Variants in APTX observed in about 807,000 individuals in gnomAD.
The protein encoded by APTX is forkhead-associated domain histidine triad-like protein.
Under a neutral mutation model 42.3 loss-of-function variants are expected in APTX, and 33 were observed. The observed-to-expected ratio is 0.78, with a 90% CI of 0.59 to 1.04. The LOEUF (loss-of-function observed/expected upper bound fraction) is 1.04, where lower values mean the gene tolerates loss of function less well. APTX is among the 50% of genes least tolerant of loss of function. The pLI is 0.00. For synonymous variants in APTX, 130 were observed against 146.7 expected, an observed-to-expected ratio of 0.89 and a Z score of 0.82; for missense variants, 421 against 415.1, an observed-to-expected ratio of 1.01 and a Z score of -0.12.
chr9:32,997,734 G>T (rs1397308256), intron 1 of APTX, among the ~76,000 whole-genome samples: 1 of 152,228 alleles, frequency 6.6e-6, no homozygotes, highest in African/African-American at 2.4e-5. Flanking sequence ...TACAGGCAGG[G>T]TTCAGAACAG....
In APTX at chr9:33,010,262, T is replaced by C. The variant is rs1837445013; in HGVS notation, c.-5+14761A>G. 6.6e-5 allele frequency among the ~76,000 whole-genome samples: 10 copies of C among 152,296 alleles called. No homozygotes were observed. In the South Asian group the frequency reaches 1.9e-3, roughly 28 times the overall value. On this transcript the variant is annotated intron_variant, in intron 1 of 6. Coordinates refer to the APTX transcript ENST00000436040. ...ACATGGCTATAGGAGCCCACACGGA[T>C]ACCCACATCCCACAGTCTCAGGGTC...
intron 1 of APTX, among the ~76,000 whole-genome samples, chr9:33,023,084 C>T (rs1221733590): frequency 1.3e-5 from 2 of 152,190 alleles, no homozygotes; most frequent in Admixed American, 6.5e-5. Context: ...CTGCCTTGGC[C>T]TCCCAAAGTG....
In APTX at chr9:32,988,006, G is replaced by A. The variant is rs1587472799; in HGVS notation, c.180+77C>T. The A allele has an allele frequency of 2.6e-6, 4 of 1,545,882 alleles. No individual in the cohort carries two copies. The East Asian group carries it at 9.0e-5, about 35-fold the overall frequency. On this transcript the variant is annotated intron_variant, in intron 3 of 7. Transcript: ENST00000379817. ...CATACATGACAGAGAAGCCTTCACT[G>A]GCTGGCACAGACACTCTAAAGTCAA...
intron 2 of APTX, among the ~76,000 whole-genome samples, chr9:32,988,855 G>A (rs1039812124): frequency 6.6e-6 from 1 of 152,224 alleles, no homozygotes; most frequent in African/African-American, 2.4e-5. Context: ...AGGTGGCTTT[G>A]GGTAGAAGGA....
intron 1 of APTX, among the ~76,000 whole-genome samples, chr9:33,021,923 C>T (rs1487632928): frequency 6.8e-6 from 1 of 146,296 alleles, no homozygotes. Flanking sequence ...CCTAGGAGTT[C>T]GAGGCCAGCC....
At chr9:33,022,269 G>A (rs140058218) in intron 1 of APTX, among the ~76,000 whole-genome samples, 25 of 152,210 alleles carry the variant, frequency 1.6e-4, no homozygotes, top group Admixed American at 7.2e-4. Context: ...CAGAAAAATG[G>A]TAAAATAATA....
chr9:33,006,802 C>A (rs1489220592), intron 1 of APTX, among the ~76,000 whole-genome samples: 1 of 151,658 alleles, frequency 6.6e-6, no homozygotes, highest in Non-Finnish European at 1.5e-5. Flanking sequence ...AGATCGAGAC[C>A]ATCCTGGCTA....
chr9:32,980,528 A>T lies in APTX; in HGVS notation c.770+4103T>A, dbSNP rs1053044491. The T allele has an allele frequency of 5.2e-5, 8 of 152,414 alleles. 1 individual carries two copies. Among genetic ancestry groups the T allele is most frequent in the African/African-American group, 1.9e-4 (8 of 41,462 alleles). The allele number at this position is 152,414 out of a possible 1,614,324, so 9.4% of individuals were successfully genotyped here. On this transcript the variant is annotated intron_variant, in intron 6 of 7. Coordinates refer to ENST00000379817, the MANE Select transcript of APTX (RefSeq NM_001195248.2). Reference sequence around the variant, plus strand: ...GACAGGCTGAGCCAGGCTCTTCCTCACAAACCAAGCCCACAGGGGCAACCT... The same window carrying T: ...GACAGGCTGAGCCAGGCTCTTCCTCTCAAACCAAGCCCACAGGGGCAACCT...
At chr9:33,016,227 T>G (rs1399915180) in intron 1 of APTX, 1 of 152,246 alleles carries the variant, frequency 6.6e-6, no homozygotes, top group Non-Finnish European at 1.5e-5. Context: ...TGTGATTGCC[T>G]GTGTGAGAAC....
chr9:32,984,880 G>A (rs1180671813), intron 5 of APTX, 23 bp from the exon 6 acceptor site: 2 of 1,588,106 alleles, frequency 1.3e-6, no homozygotes, highest in African/African-American at 1.3e-5. Flanking sequence ...TACAAGAGAA[G>A]GAAACAGACA....
At chr9:32,977,936 ACTAACCCAAGTG>A (rs1285427004) in intron 6 of APTX, among the ~76,000 whole-genome samples, 1 of 152,184 alleles carries the variant, frequency 6.6e-6, no homozygotes, top group East Asian at 1.9e-4. Flanking sequence ...AAAAACAAGG[ACTAACCCAAGTG>A]TGTTGCTTTA....
intron 6 of APTX, among the ~76,000 whole-genome samples, chr9:32,983,561 A>C (rs1260761623): frequency 6.6e-6 from 1 of 152,230 alleles, no homozygotes. Context: ...AAAATCTGGC[A>C]CAAAGATTTC....
chr9:33,007,163 A>G lies in APTX; in HGVS notation c.-4-17268T>C, dbSNP rs78572402. 5.5e-4 allele frequency among the ~76,000 whole-genome samples: 84 copies of G among 152,312 alleles called. 1 individual carries two copies. In the East Asian group the frequency reaches 0.016, roughly 29 times the overall value. ...GATCCAAACTGAGGAAAGAGCATGT[A>G]CAAAGGCCCAATAGCAGGGCTTTTA... On this transcript the variant is annotated intron_variant, in intron 1 of 6. Transcript: ENST00000436040.
At chr9:33,001,003 A>G (rs1836289409) in intron 1 of APTX, among the ~76,000 whole-genome samples, 1 of 151,436 alleles carries the variant, frequency 6.6e-6, no homozygotes, top group Non-Finnish European at 1.5e-5. Context: ...ATGCGCCACC[A>G]CACCTGGCTA....
At chr9:32,986,182 C>T (rs1163773389) in intron 4 of APTX, 152 bp from the exon 5 acceptor site, 3 of 803,962 alleles carry the variant, frequency 3.7e-6, no homozygotes, top group Non-Finnish European at 6.6e-6. Context: ...AAACAAGATT[C>T]ACTTGACTCT....
At chr9:32,990,920 A>G (rs1263838931) in intron 1 of APTX, among the ~76,000 whole-genome samples, 1 of 151,082 alleles carries the variant, frequency 6.6e-6, no homozygotes, top group Non-Finnish European at 1.5e-5. Context: ...CAAATCTACA[A>G]TTTCTTTACT....
At position 32,987,815 on chromosome 9, in the gene APTX, A is replaced by C. The variant is rs1216443216; in HGVS notation, c.212T>G (p.Val71Gly). ...VGVNPTSIDS[V>G]VIGKDQEVKL... ...CACCTCTTGGTCCTTCCCAATTACGACTGAGTCAATGCTGGTGGGATTGAC... is the reference window on the plus strand; with the variant it reads ...CACCTCTTGGTCCTTCCCAATTACGCCTGAGTCAATGCTGGTGGGATTGAC... The change falls in exon 4 of 8, where the codon GTC becomes GGC. Residue 71 changes from valine (V) to glycine (G), a missense_variant. Coordinates refer to ENST00000379817, the MANE Select transcript of APTX (RefSeq NM_001195248.2). 1 of 1,613,842 alleles carries C rather than the reference A, an allele frequency of 6.2e-7. No homozygotes were observed. Among genetic ancestry groups the C allele is most frequent in the Non-Finnish European group, 8.5e-7 (1 of 1,180,042 alleles).
chr9:33,001,583 C>T lies in APTX; in HGVS notation c.-21G>A. ...CCGCCTTACCTCCAGAAGTCGGAGA[C>T]GGACAAATTCACGTTACTCATCTGT... On this transcript the variant is annotated 5_prime_UTR_variant, in exon 1 of 8. Transcript: ENST00000379817. 1 of 1,613,960 alleles carries T rather than the reference C, an allele frequency of 6.2e-7. No individual in the cohort carries two copies. Among genetic ancestry groups the T allele is most frequent in the Non-Finnish European group, 8.5e-7 (1 of 1,180,030 alleles).
intron 1 of APTX, among the ~76,000 whole-genome samples, chr9:32,992,067 G>C (rs1833773256): frequency 6.6e-6 from 1 of 152,140 alleles, no homozygotes; most frequent in Non-Finnish European, 1.5e-5. Flanking sequence ...GAGAGGATGA[G>C]ATCACCCAAT....
Sources: gnomAD v4.1 joint callset for allele counts (sites outside exome capture counted in the v4.1 genomes callset) on GRCh38, gnomAD v4.1.1 for gene constraint, MANE v1.5 for transcripts, NCBI Gene and HGNC (gene_info 2026-07-23, HGNC 2026-07-21) for gene names.